The following MDN1 variants were observed in gnomAD, a reference collection of about 807,000 sequenced individuals.
MDN1 encodes midasin.
Under a neutral mutation model 669.2 loss-of-function variants are expected in MDN1, and 266 were observed. That is an observed-to-expected ratio of 0.40 (90% confidence interval 0.36 to 0.44). MDN1 has a LOEUF of 0.44. Ranked by LOEUF, MDN1 falls within the 20% of genes least tolerant of loss-of-function variation. The pLI, the probability that MDN1 is intolerant of heterozygous loss-of-function variation, is 1.00. For synonymous variants in MDN1, 2,385 were observed against 2,457.1 expected (o/e 0.97, Z 0.87); for missense variants, 5,940 against 6,754.0 (o/e 0.88, Z 4.22).
intron 86 of MDN1, 126 bp downstream of exon 86, chr6:89,662,664 AAG>A: frequency 7.1e-6 from 8 of 1,125,670 alleles, no homozygotes; most frequent in East Asian, 2.6e-5. Context: ...AAAAAAGAAA[AAG>A]AGGAATAGAA....
chr6:89,746,612 AAAGAAAGAAAGAAAG>A (rs1452759274), intron 27 of MDN1, among the ~76,000 whole-genome samples: 96 of 5,258 alleles, frequency 0.018, 2 homozygotes, highest in Middle Eastern at 0.17. Context: ...AAAAAAAAAA[AAAGAAAGAAAGAAAG>A]AAAGAAAGAA....
Position 89,692,817 on chromosome 6 carries a change from AT to A in MDN1, c.10212del (p.Leu3405CysfsTer7), listed in dbSNP as rs1812466821. On this transcript the variant is annotated frameshift_variant, in exon 63 of 102. Transcript: ENST00000369393. LOFTEE classifies it high-confidence loss of function. ...PDAVSPLQAS[I>X]LQLQHGMRLV... ...AGCCTCATGCCATGTTGTAACTGCA[AT>A]ATGGATGCCTGCAGTGGGCTCACGG... 18 of 1,614,234 alleles carry A rather than the reference AT, an allele frequency of 1.1e-5. No individual in the cohort carries two copies. Among genetic ancestry groups the A allele is most frequent in the Non-Finnish European group, 1.5e-5 (18 of 1,180,044 alleles).
intron 35 of MDN1, among the ~76,000 whole-genome samples, chr6:89,729,677 G>GTTTTTTTTTT (rs35914010): frequency 8.9e-5 from 9 of 100,758 alleles, no homozygotes; most frequent in Admixed American, 1.2e-4. Context: ...TTTTGTTTTC[G>GTTTTTTTTTT]TTTTTTTTTT....
intron 26 of MDN1, among the ~76,000 whole-genome samples, chr6:89,747,695 T>C (rs1267037307): frequency 6.6e-6 from 1 of 151,472 alleles, no homozygotes; most frequent in Non-Finnish European, 1.5e-5. Flanking sequence ...ATCGAGACCA[T>C]CCTGGCTAAC....
Position 89,753,575 on chromosome 6 carries a change from T to C in MDN1, c.3012A>G (p.Pro1004=). 2 of 1,613,996 alleles carry C rather than the reference T, an allele frequency of 1.2e-6. No individual in the cohort carries two copies. The highest frequency in any genetic ancestry group is 1.7e-6 in the Non-Finnish European group (2 of 1,179,844). ...GTTGACAGATGAGCTTCTGAACTAT[T>C]GGGTGTGATGCCCTGTCAAGCTGTG... ...FLTQLDRASH[P]IVQKLICQHI... is the part of the protein sequence containing the mutation. Residue 1004 remains proline (P), a synonymous_variant, in exon 22 of 102, where the codon CCA becomes CCG. Transcript: ENST00000369393.
At chr6:89,747,810 G>T (rs1816730342) in intron 26 of MDN1, among the ~76,000 whole-genome samples, 1 of 144,384 alleles carries the variant, frequency 6.9e-6, no homozygotes, top group Non-Finnish European at 1.5e-5. Flanking sequence ...AGAACCGCAT[G>T]AACCCGGGAG....
chr6:89,768,426 T>C (rs1168303357), intron 15 of MDN1, among the ~76,000 whole-genome samples: 3 of 152,206 alleles, frequency 2.0e-5, no homozygotes, highest in Non-Finnish European at 4.4e-5. Flanking sequence ...TGTCTTGTGC[T>C]ATGATTGTGA....
At chr6:89,678,550 C>T in intron 75 of MDN1, 49 bp downstream of exon 75, 3 of 1,592,938 alleles carry the variant, frequency 1.9e-6, no homozygotes, top group Non-Finnish European at 2.6e-6. Flanking sequence ...CATTTCTCTC[C>T]CTAAAAGTTG....
At chr6:89,676,649 C>T (rs906102892) in intron 76 of MDN1, among the ~76,000 whole-genome samples, 2 of 152,200 alleles carry the variant, frequency 1.3e-5, no homozygotes, top group East Asian at 1.9e-4. Flanking sequence ...TACTATTCAG[C>T]TACAGTGCTG....
chr6:89,725,334 T>C lies in MDN1; in HGVS notation c.5535A>G (p.Glu1845=). The part of the protein sequence containing the change: ...GLNACFDHRG[E]IYVPELGMSF... ...TCATTCCTAACTCAGGCACATAGAT[T>C]TCTCCTCGGTGGTCAAAACAAGCAT... Residue 1845 remains glutamate (E), a synonymous_variant, in exon 38 of 102, where the codon GAA becomes GAG. Coordinates refer to ENST00000369393, the MANE Select transcript of MDN1 (RefSeq NM_014611.3). The C allele has an allele frequency of 6.2e-7, 1 of 1,614,050 alleles. No individual in the cohort carries two copies. The highest frequency in any genetic ancestry group is 8.5e-7 in the Non-Finnish European group (1 of 1,179,980).
Position 89,696,382 on chromosome 6 carries a change from T to C in MDN1, c.9361A>G (p.Ile3121Val), listed in dbSNP as rs746156838. 10 of 1,614,112 alleles carry C rather than the reference T, an allele frequency of 6.2e-6. No individual in the cohort carries two copies. The highest frequency in any genetic ancestry group is 8.5e-6 in the Non-Finnish European group (10 of 1,180,016). The part of the protein sequence containing the change: ...ISSMLWTNMA[I>V]SSVAEFRRTD... ...TACCTGAATTCTGCTACTGAAGAGATAGCCATGTTAGTCCAAAGCATCGAA... is the reference window on the plus strand; with the variant it reads ...TACCTGAATTCTGCTACTGAAGAGACAGCCATGTTAGTCCAAAGCATCGAA... Residue 3121 changes from isoleucine (I) to valine (V), a missense_variant, in exon 60 of 102, where the codon ATC becomes GTC. Physicochemically the swap from Ile to Val is conservative, Grantham distance 29. Transcript: ENST00000369393.
At chr6:89,689,768 G>T (rs573412500) in intron 65 of MDN1, 102 bp downstream of exon 65, 23 of 1,365,862 alleles carry the variant, frequency 1.7e-5, no homozygotes, top group Non-Finnish European at 2.3e-5. Context: ...GGAATTATGC[G>T]AAAACAGGAA....
Position 89,673,339 on chromosome 6 carries a change from C to G in MDN1, c.13371G>C (p.Met4457Ile). 6.2e-7 allele frequency: 1 copy of G among 1,614,120 alleles called. No individual in the cohort carries two copies. Among genetic ancestry groups the G allele is most frequent in the Non-Finnish European group, 8.5e-7 (1 of 1,180,024 alleles). Residue 4457 changes from methionine (M) to isoleucine (I), a missense_variant, in exon 80 of 102, where the codon ATG becomes ATC. This residue lies in a region of MDN1 where 2,280 missense variants were observed against 2,576.3 expected (regional missense o/e 0.88). Transcript: ENST00000369393. The stretch of plus-strand genomic sequence containing the variant: ...CATATTCCAGACTTTCAACTAGTGC[C>G]ATTTGTGAGTCTCTTTGCTCAACCT... Reference protein sequence around the residue: ...GMEVEQRDSQMALVESLEYVR... With the variant: ...GMEVEQRDSQIALVESLEYVR...
intron 50 of MDN1, among the ~76,000 whole-genome samples, chr6:89,708,984 A>AAAT (rs1488658477): frequency 2.6e-5 from 4 of 151,874 alleles, no homozygotes; most frequent in African/African-American, 9.7e-5. Flanking sequence ...TTAGCTTAAA[A>AAAT]AAAAAAAAAA....
chr6:89,755,821 C>A (rs779784035), intron 20 of MDN1, among the ~76,000 whole-genome samples: 2 of 152,220 alleles, frequency 1.3e-5, no homozygotes, highest in South Asian at 4.1e-4. Flanking sequence ...GCACAAGCCA[C>A]GTAACTACTC....
At chr6:89,756,746 C>A (rs1457774976) in intron 19 of MDN1, among the ~76,000 whole-genome samples, 1 of 151,976 alleles carries the variant, frequency 6.6e-6, no homozygotes, top group Admixed American at 6.6e-5. Context: ...CATGGTGAAA[C>A]CCCGTCTCTA....
intron 23 of MDN1, among the ~76,000 whole-genome samples, chr6:89,750,939 C>T (rs1457032701): frequency 2.0e-5 from 3 of 150,690 alleles, no homozygotes; most frequent in South Asian, 2.1e-4. Flanking sequence ...AAAAGAATGA[C>T]GACATCATTT....
At position 89,686,953 on chromosome 6, in the gene MDN1, T is replaced by C; in HGVS notation, c.11521A>G (p.Ile3841Val). ...TEKSTKHWFS[I>V]YQMLEKHMQE... Reference sequence around the variant, plus strand: ...ATGTGCTTCTCAAGCATCTGATAGATGGAGAACCAGTGCTTGGTGGATTTC... The same window carrying C: ...ATGTGCTTCTCAAGCATCTGATAGACGGAGAACCAGTGCTTGGTGGATTTC... Residue 3841 changes from isoleucine (I) to valine (V), a missense_variant, in exon 69 of 102, where the codon ATC (isoleucine) becomes GTC (valine). Ile to Val is a conservative substitution (Grantham distance 29, BLOSUM62 3). Around this residue, in one of 5 missense-constraint regions of MDN1, gnomAD observed 2,280 missense variants for 2,576.3 expected, o/e 0.88. Transcript: ENST00000369393. 6.2e-7 allele frequency: 1 copy of C among 1,614,014 alleles called. No homozygotes were observed. Among genetic ancestry groups the C allele is most frequent in the Non-Finnish European group, 8.5e-7 (1 of 1,179,994 alleles).
intron 39 of MDN1, 120 bp downstream of exon 39, chr6:89,723,392 G>T: frequency 1.4e-6 from 1 of 721,268 alleles, no homozygotes; most frequent in Non-Finnish European, 2.2e-6. Flanking sequence ...GAAACCTGTA[G>T]AATTCAAAGT....
Sources: gnomAD v4.1 joint callset for allele counts (sites outside exome capture counted in the v4.1 genomes callset) on GRCh38, gnomAD v4.1.1 for gene constraint, gnomAD v4.1.1 regional missense constraint, MANE v1.5 for transcripts, NCBI Gene and HGNC (gene_info 2026-07-23, HGNC 2026-07-21) for gene names.